XRRA1: variants seen among roughly 807,000 people sequenced by gnomAD.
The protein encoded by XRRA1 is X-ray radiation resistance associated 1, also known as X-ray radiation resistance-associated protein 1.
A neutral mutation model predicts 80.2 loss-of-function variants in XRRA1; 69 were observed. That is an observed-to-expected ratio of 0.86 (90% CI 0.71 to 1.05). The LOEUF (loss-of-function observed/expected upper bound fraction) is 1.05. XRRA1 is among the 50% of genes least tolerant of loss of function. The probability of loss-of-function intolerance (pLI) is 0.00; values close to 1 mark genes in which losing one functional copy is unlikely to be tolerated. For synonymous variants in XRRA1, 348 were observed against 389.9 expected, an observed-to-expected ratio of 0.89 and a Z score of 1.27; for missense variants, 967 against 976.4, an observed-to-expected ratio of 0.99 and a Z score of 0.13.
chr11:74,947,361 A>G (rs1947797311), intron 1 of XRRA1, among the ~76,000 whole-genome samples: 1 of 151,972 alleles, frequency 6.6e-6, no homozygotes, highest in Non-Finnish European at 1.5e-5. Flanking sequence ...TCCTGTCTCT[A>G]CTAAAAATAT....
At chr11:74,879,249 G>A (rs1447164685) in intron 10 of XRRA1, among the ~76,000 whole-genome samples, 1 of 150,670 alleles carries the variant, frequency 6.6e-6, no homozygotes, top group African/African-American at 2.4e-5. Context: ...GTTCACTCAT[G>A]ATTTGGCTCT....
intron 4 of XRRA1, among the ~76,000 whole-genome samples, chr11:74,935,118 T>C (rs544646174): frequency 3.9e-5 from 6 of 152,346 alleles, no homozygotes; most frequent in African/African-American, 1.2e-4. Context: ...GTCTGGATAA[T>C]GAGATACTGG....
chr11:74,869,942 A>T (rs2044376545), intron 10 of XRRA1, among the ~76,000 whole-genome samples: 1 of 152,142 alleles, frequency 6.6e-6, no homozygotes, highest in African/African-American at 2.4e-5. Flanking sequence ...CAGCCATGAG[A>T]CAACAAACCT....
intron 10 of XRRA1, among the ~76,000 whole-genome samples, chr11:74,886,417 A>G (rs1347033055): frequency 6.6e-6 from 1 of 152,218 alleles, no homozygotes; most frequent in African/African-American, 2.4e-5. Flanking sequence ...ATACACCAAC[A>G]ACCTCCAAAC....
At chr11:74,937,847 C>A (rs1450889976) in intron 3 of XRRA1, among the ~76,000 whole-genome samples, 1 of 152,166 alleles carries the variant, frequency 6.6e-6, no homozygotes, top group South Asian at 2.1e-4. Context: ...TCCGTAAGAG[C>A]AGGGACTTTA....
chr11:74,862,271 C>T (rs902796594), intron 11 of XRRA1, among the ~76,000 whole-genome samples: 5 of 152,082 alleles, frequency 3.3e-5, no homozygotes, highest in Non-Finnish European at 5.9e-5. Context: ...ATCACTTCGT[C>T]GACTCAATTG....
intron 12 of XRRA1, among the ~76,000 whole-genome samples, chr11:74,855,874 C>T (rs1489379775): frequency 2.0e-5 from 3 of 152,160 alleles, no homozygotes; most frequent in African/African-American, 7.2e-5. Flanking sequence ...GTGGCTCACG[C>T]CTGTAATCCT....
At chr11:74,906,682 T>A (rs2054673100) in intron 9 of XRRA1, among the ~76,000 whole-genome samples, 1 of 152,186 alleles carries the variant, frequency 6.6e-6, no homozygotes. Context: ...AATGAGGCAA[T>A]ATGTAAATGG....
intron 3 of XRRA1, among the ~76,000 whole-genome samples, chr11:74,938,966 G>A (rs1945712975): frequency 6.6e-6 from 1 of 152,142 alleles, no homozygotes. Context: ...TCCTATAATG[G>A]TTCTTACCTA....
chr11:74,940,406 G>C (rs1250207615), intron 3 of XRRA1, among the ~76,000 whole-genome samples: 1 of 152,134 alleles, frequency 6.6e-6, no homozygotes, highest in Non-Finnish European at 1.5e-5. Flanking sequence ...TGGGATTTGT[G>C]GAATGGGAAG....
intron 10 of XRRA1, among the ~76,000 whole-genome samples, chr11:74,869,326 A>T (rs1427125763): frequency 6.6e-6 from 1 of 152,242 alleles, no homozygotes; most frequent in Non-Finnish European, 1.5e-5. Flanking sequence ...CTGATACAGG[A>T]GGTAGAAAGA....
At position 74,859,231 on chromosome 11, in the gene XRRA1, G is replaced by A. The variant is rs1343448497; in HGVS notation, c.1097C>T (p.Ser366Leu). 1 of 1,610,612 alleles carries A rather than the reference G, an allele frequency of 6.2e-7. No individual in the cohort carries two copies. Among genetic ancestry groups the A allele is most frequent in the South Asian group, 1.1e-5 (1 of 90,178 alleles). Residue 366 changes from serine (S) to leucine (L), a missense_variant, in exon 12 of 19, where the codon TCA becomes TTA. Ser to Leu is a moderately radical substitution (Grantham distance 145). Coordinates refer to ENST00000684022, the MANE Select transcript of XRRA1 (RefSeq NM_001378157.1). ...CAGCGTCTGGTTCCTGGCCTTCAGT[G>A]ACTTCACAGGAAGGATCTCGAATAT... ...PPIFEILPVK[S>L]LKARNQTLAP... is the part of the protein sequence containing the mutation.
intron 2 of XRRA1, among the ~76,000 whole-genome samples, chr11:74,941,735 C>T (rs1249232753): frequency 3.9e-5 from 6 of 152,054 alleles, no homozygotes; most frequent in Non-Finnish European, 8.8e-5. Flanking sequence ...CCAGTGGCAA[C>T]TGGGATTGCA....
intron 10 of XRRA1, among the ~76,000 whole-genome samples, chr11:74,868,573 T>G (rs1250288069): frequency 6.6e-6 from 1 of 152,148 alleles, no homozygotes; most frequent in Non-Finnish European, 1.5e-5. Context: ...AAGCAAGACC[T>G]GATGGTATGC....
chr11:74,857,309 T>TA (rs2041339225), intron 12 of XRRA1, among the ~76,000 whole-genome samples: 2 of 151,564 alleles, frequency 1.3e-5, no homozygotes, highest in African/African-American at 4.9e-5. Flanking sequence ...CAGAAAGAGA[T>TA]ACACCATGCA....
intron 10 of XRRA1, among the ~76,000 whole-genome samples, chr11:74,891,051 T>G (rs186261688): frequency 0.025 from 3,804 of 152,294 alleles, 168 homozygotes; most frequent in African/African-American, 0.087. Flanking sequence ...TAATTCATTT[T>G]ATGAGGCCAG....
chr11:74,906,512 T>C, intron 9 of XRRA1, 56 bp from the exon 10 acceptor site: 1 of 1,568,408 alleles, frequency 6.4e-7, no homozygotes, highest in Non-Finnish European at 8.7e-7. Context: ...CTCAGGATTG[T>C]TTACCAAGCA....
intron 6 of XRRA1, among the ~76,000 whole-genome samples, chr11:74,928,960 T>C (rs1304769795): frequency 2.0e-5 from 3 of 152,262 alleles, no homozygotes; most frequent in East Asian, 1.9e-4. Context: ...CTGCCAATAT[T>C]TGACAGGCAG....
In XRRA1 at chr11:74,909,299, G is replaced by A. The variant is rs558245331; in HGVS notation, c.657-2026C>T. Among the ~76,000 whole-genome samples, 7 of 152,212 alleles carry A rather than the reference G, an allele frequency of 4.6e-5. No individual in the cohort carries two copies. The South Asian group carries it at 8.3e-4, about 18-fold the overall frequency. On this transcript the variant is annotated intron_variant, in intron 8 of 18. Transcript: ENST00000684022. ...CATGAGTGTGCCCTTTCCTCTTTCT[G>A]GAAGGACCAACTTTCATACATTGAA...
Sources: gnomAD v4.1 joint callset for allele counts (sites outside exome capture counted in the v4.1 genomes callset) on GRCh38, gnomAD v4.1.1 for gene constraint, MANE v1.5 for transcripts, NCBI Gene and HGNC (gene_info 2026-07-23, HGNC 2026-07-21) for gene names.